BIN1: variants seen among roughly 807,000 people sequenced by gnomAD.
BIN1 encodes the protein myc box-dependent-interacting protein 1.
In BIN1, 53 loss-of-function variants were observed where a neutral mutation model predicts 82.0. The observed-to-expected ratio is 0.65, with a 90% CI of 0.52 to 0.81. BIN1 has a LOEUF of 0.81. Among genes scored for constraint, BIN1 ranks in the 40% least tolerant of loss-of-function variants. BIN1 has a pLI of 0.00. For missense variants in BIN1, 642 were observed against 784.4 expected (o/e 0.82, Z 2.17); for synonymous variants, 302 against 328.0 (o/e 0.92, Z 0.86).
intron 1 of BIN1, among the ~76,000 whole-genome samples, chr2:127,089,612 G>A (rs1233238242): frequency 2.0e-5 from 3 of 152,008 alleles, no homozygotes; most frequent in African/African-American, 4.8e-5. Flanking sequence ...ACACCCCACC[G>A]TCAGGTTTCT....
At chr2:127,069,464 G>A (rs896343841) in intron 5 of BIN1, among the ~76,000 whole-genome samples, 1 of 152,096 alleles carries the variant, frequency 6.6e-6, no homozygotes, top group African/African-American at 2.4e-5. Flanking sequence ...CCATGTGCAC[G>A]TTACCGGGGA....
At chr2:127,052,509 C>T in intron 14 of BIN1, 147 bp from the exon 15 acceptor site, 1 of 686,746 alleles carries the variant, frequency 1.5e-6, no homozygotes. Flanking sequence ...CCCGGCCAGC[C>T]ACCCGCCTCC....
At position 127,068,395 on chromosome 2, in the gene BIN1, C is replaced by T. The variant is rs147622091; in HGVS notation, c.520-140G>A. 1.4e-3 allele frequency: 863 copies of T among 622,954 alleles called. 5 individuals are homozygous for T. The African/African-American group carries it at 0.014, about 10-fold the overall frequency. 38.6% of individuals were successfully genotyped at this position (622,954 alleles called of 1,614,324 possible). ...CCAAGCAGATATGGGCCCTTGAGGC[C>T]GAGAGAATTAGGGGGAGCCCGGGGG... On this transcript the variant is annotated intron_variant, in intron 6 of 18. Coordinates refer to ENST00000316724, the MANE Select transcript of BIN1 (RefSeq NM_139343.3). The surrounding 1 kb of genome is among the most constrained non-coding windows in gnomAD (Gnocchi z 4.9).
At chr2:127,061,527 C>G (rs953438439) in intron 10 of BIN1, among the ~76,000 whole-genome samples, 3 of 152,206 alleles carry the variant, frequency 2.0e-5, no homozygotes, top group Non-Finnish European at 4.4e-5. Context: ...GTCCCAGGCT[C>G]GCTGCTTCCT....
chr2:127,048,112 G>T lies in BIN1; in HGVS notation c.*414C>A. On this transcript the variant is annotated 3_prime_UTR_variant, in exon 19 of 19. Coordinates refer to ENST00000316724, the MANE Select transcript of BIN1 (RefSeq NM_139343.3). ...TTTTCAAACAGCACACAGACCGTCT[G>T]CGGGGCAGAGCCAGGCTAGGCTGGT... The T allele has an allele frequency of 3.6e-6, 1 of 278,916 alleles. No homozygotes were observed. 17.3% of individuals were successfully genotyped at this position (278,916 alleles called of 1,614,324 possible). A position where few individuals can be genotyped will look rare whatever the true frequency, so the allele number is the denominator to read the frequency against.
At chr2:127,070,127 G>A (rs768063165) in intron 4 of BIN1, 37 bp from the exon 5 acceptor site, 55 of 1,585,366 alleles carry the variant, frequency 3.5e-5, no homozygotes, top group South Asian at 6.7e-5. Context: ...CCACCAGGAG[G>A]GCTGGGCCAC....
chr2:127,075,084 A>T (rs553159725), intron 2 of BIN1, among the ~76,000 whole-genome samples: 3 of 152,252 alleles, frequency 2.0e-5, no homozygotes, highest in Admixed American at 2.0e-4. Context: ...AGGACAAGGG[A>T]TCAGCTCCAG....
In BIN1 at chr2:127,048,334, C is replaced by T; in HGVS notation, c.*192G>A. The stretch of plus-strand genomic sequence containing the variant: ...CTTCAGGAACACTGGTGAATTCCGC[C>T]GGACTTGCCGGGACGCGGCTCTTTG... On this transcript the variant is annotated 3_prime_UTR_variant, in exon 19 of 19. Transcript: ENST00000316724. 1 of 598,928 alleles carries T rather than the reference C, an allele frequency of 1.7e-6. No individual in the cohort carries two copies. Among genetic ancestry groups the T allele is most frequent in the South Asian group, 2.0e-5 (1 of 51,182 alleles). 37.1% of individuals were successfully genotyped at this position (598,928 alleles called of 1,614,324 possible). A position where few individuals can be genotyped will look rare whatever the true frequency, so the allele number is the denominator to read the frequency against.
intron 1 of BIN1, among the ~76,000 whole-genome samples, chr2:127,103,410 G>C (rs1042373720): frequency 2.0e-5 from 3 of 152,126 alleles, no homozygotes; most frequent in Non-Finnish European, 4.4e-5. Flanking sequence ...GCCTCTTCTC[G>C]GCATGTCAGC....
At chr2:127,084,592 C>T (rs779537931) in intron 1 of BIN1, among the ~76,000 whole-genome samples, 26 of 152,196 alleles carry the variant, frequency 1.7e-4, no homozygotes, top group Middle Eastern at 3.2e-3. Context: ...TTTCAGCGTT[C>T]CCTCATGCTC....
intron 2 of BIN1, among the ~76,000 whole-genome samples, chr2:127,074,878 T>C (rs1041799131): frequency 3.9e-5 from 6 of 152,192 alleles, no homozygotes; most frequent in African/African-American, 1.2e-4. Flanking sequence ...AATTTTTGTA[T>C]TTTTAGTAGA....
In BIN1 at chr2:127,093,938, G is replaced by A. The variant is rs182138994; in HGVS notation, c.84+12922C>T. ...GGGCCCCAGGCCTAAACTCAGACAGGACGGCCCTAGAGGATACACACGGAG... is the reference window on the plus strand; with the variant it reads ...GGGCCCCAGGCCTAAACTCAGACAGAACGGCCCTAGAGGATACACACGGAG... On this transcript the variant is annotated intron_variant, in intron 1 of 18. Transcript: ENST00000316724. This position sits in a 1 kb window ranked among gnomAD's most constrained non-coding sequence, Gnocchi z 5.7. 2.1e-3 allele frequency among the ~76,000 whole-genome samples: 324 copies of A among 152,276 alleles called. 1 individual carries two copies. Among genetic ancestry groups the A allele is most frequent in the Middle Eastern group, 3.4e-3 (1 of 294 alleles).
chr2:127,074,040 C>T (rs1686269197), intron 2 of BIN1, among the ~76,000 whole-genome samples: 2 of 152,092 alleles, frequency 1.3e-5, no homozygotes, highest in South Asian at 4.1e-4. Context: ...GGGCCCCCCA[C>T]CCCATAAGAA....
chr2:127,077,773 G>A (rs115717601), intron 1 of BIN1, among the ~76,000 whole-genome samples: 192 of 152,316 alleles, frequency 1.3e-3, no homozygotes, highest in African/African-American at 4.2e-3. Flanking sequence ...CCAGGGTGGC[G>A]GCGGGACACA....
chr2:127,049,951 C>A (rs1025527013), intron 18 of BIN1, among the ~76,000 whole-genome samples: 1 of 152,228 alleles, frequency 6.6e-6, no homozygotes, highest in Non-Finnish European at 1.5e-5. Context: ...CAGGGCAGGG[C>A]CCGCCTCGAG....
At position 127,057,049 on chromosome 2, in the gene BIN1, G is replaced by A. The variant is rs755727056; in HGVS notation, c.1131+424C>T. ...GCCCTGCAGCCTGGCCGCTGCCCCC[G>A]CCCTCGAGGGGCTGACAGCAGCTGT... On this transcript the variant is annotated intron_variant, in intron 12 of 18. Coordinates refer to ENST00000316724, the MANE Select transcript of BIN1 (RefSeq NM_139343.3). The surrounding 1 kb of genome is among the most constrained non-coding windows in gnomAD (Gnocchi z 5.0). Among the ~76,000 whole-genome samples, 14 of 152,178 alleles carry A rather than the reference G, an allele frequency of 9.2e-5. No homozygotes were observed. The highest frequency in any genetic ancestry group is 3.2e-3 in the Middle Eastern group (1 of 316).
intron 18 of BIN1, among the ~76,000 whole-genome samples, chr2:127,048,943 C>T (rs891404745): frequency 6.6e-6 from 1 of 152,250 alleles, no homozygotes; most frequent in African/African-American, 2.4e-5. Context: ...CCAGGCTTCT[C>T]AAACAACCCC....
intron 13 of BIN1, chr2:127,053,684 G>T: frequency 1.4e-6 from 1 of 712,296 alleles, no homozygotes; most frequent in Non-Finnish European, 2.5e-6. Context: ...GCACAAAGTT[G>T]CCAGGAAGTG....
rs893027160 is a variant in BIN1, at chr2:127,067,393, A to C, written c.612+770T>G. On this transcript the variant is annotated intron_variant, in intron 7 of 18. Coordinates refer to ENST00000316724, the MANE Select transcript of BIN1 (RefSeq NM_139343.3). The surrounding 1 kb of genome is among the most constrained non-coding windows in gnomAD (Gnocchi z 4.7). ...GTGGTCCCTGGCCACACTGTAACCC[A>C]TTTGGAGGGCAGGGGGCTGAGAAGA... is the stretch of plus-strand genomic sequence containing the variant. Among the ~76,000 whole-genome samples, 1 of 152,176 alleles carries C rather than the reference A, an allele frequency of 6.6e-6. No homozygotes were observed. Among genetic ancestry groups the C allele is most frequent in the Non-Finnish European group, 1.5e-5 (1 of 68,014 alleles).
Sources: gnomAD v4.1 joint callset for allele counts (sites outside exome capture counted in the v4.1 genomes callset) on GRCh38, gnomAD v4.1.1 for gene constraint, Gnocchi (gnomAD v3.1) non-coding constraint, MANE v1.5 for transcripts, NCBI Gene and HGNC (gene_info 2026-07-23, HGNC 2026-07-21) for gene names.